ATP6V1G3: variants seen among roughly 807,000 people sequenced by gnomAD.
The protein encoded by ATP6V1G3 is V-type proton ATPase subunit G 3.
ATP6V1G3 carries 9 observed loss-of-function variants against 9.3 expected under a neutral mutation model. The ratio of observed to expected loss-of-function variants is 0.97; its 90% CI spans 0.59 to 1.69. The LOEUF (loss-of-function observed/expected upper bound fraction) is 1.69. Among genes scored for constraint, ATP6V1G3 ranks in the 40% most tolerant of loss-of-function variants. The pLI is 0.00. For synonymous variants in ATP6V1G3, 43 were observed against 43.8 expected (o/e 0.98, Z 0.07); for missense variants, 133 against 139.0 (o/e 0.96, Z 0.22).
upstream of ATP6V1G3, chr1:198,540,837 A>G: frequency 1.6e-6 from 1 of 614,308 alleles, no homozygotes; most frequent in Non-Finnish European, 2.9e-6. Flanking sequence ...GAATCTAGAA[A>G]AACAAGTTAA....
chr1:198,535,675 G>A lies in ATP6V1G3; in HGVS notation c.82+4894C>T, dbSNP rs192993260. Among the ~76,000 whole-genome samples, 117 of 152,208 alleles carry A rather than the reference G, an allele frequency of 7.7e-4. 1 individual carries two copies. The highest frequency in any genetic ancestry group is 1.2e-3 in the Non-Finnish European group (84 of 68,018). ...GAGCACCTTCTATATGCCAAGTGGT[G>A]TTTTAAGTCTTTTATAAGAGTTAAC... is the stretch of plus-strand genomic sequence containing the variant. On this transcript the variant is annotated intron_variant, in intron 1 of 2. Coordinates refer to ENST00000367382, the MANE Select transcript of ATP6V1G3 (RefSeq NM_001376861.1).
At chr1:198,530,436 T>C (rs1659851564) in intron 1 of ATP6V1G3, among the ~76,000 whole-genome samples, 1 of 152,194 alleles carries the variant, frequency 6.6e-6, no homozygotes, top group Non-Finnish European at 1.5e-5. Flanking sequence ...AGTCTCTGTA[T>C]GTATATGGGA....
rs1251798018 is a variant in ATP6V1G3 at position 198,536,749 on chromosome 1, G to C, written c.82+3820C>G. On this transcript the variant is annotated intron_variant, in intron 1 of 2. Transcript: ENST00000367382. ...ACTTACAGCAGGGGTAAAAACAAAT[G>C]GAATGAGATCATTCTAGTCTATATC... is the stretch of plus-strand genomic sequence containing the variant. 3 of 1,564,300 alleles carry C rather than the reference G, an allele frequency of 1.9e-6. No individual in the cohort carries two copies. The East Asian group carries it at 6.7e-5, about 35-fold the overall frequency.
intron 1 of ATP6V1G3, among the ~76,000 whole-genome samples, chr1:198,539,173 C>G (rs1660248371): frequency 6.6e-6 from 1 of 152,104 alleles, no homozygotes; most frequent in Admixed American, 6.5e-5. Flanking sequence ...GCTGAGTGTT[C>G]AGGAAATCTA....
chr1:198,536,513 C>G (rs976328499), intron 1 of ATP6V1G3, among the ~76,000 whole-genome samples: 10 of 152,154 alleles, frequency 6.6e-5, no homozygotes, highest in African/African-American at 2.4e-4. Context: ...AGCATTGAAT[C>G]TAGGTAAGAT....
rs756864302 is a variant in ATP6V1G3 at position 198,523,512 on chromosome 1, C to T, written c.236G>A (p.Gly79Glu). Residue 79 changes from glycine (G) to glutamate (E), a missense_variant, in exon 3 of 3, where the codon GGG (glycine) becomes GAG (glutamate). Coordinates refer to ENST00000367382, the MANE Select transcript of ATP6V1G3 (RefSeq NM_001376861.1). Reference protein sequence around the residue: ...LSDEIEEQTLGKIQELNGHYN... With the variant: ...LSDEIEEQTLEKIQELNGHYN... ...GTGTCCATTAAGTTCTTGTATCTTC[C>T]CTAGTGTTTGTTCTTCTATTTCATC... is the stretch of plus-strand genomic sequence containing the variant. 1.7e-5 allele frequency: 28 copies of T among 1,613,364 alleles called. No homozygotes were observed. Among genetic ancestry groups the T allele is most frequent in the Admixed American group, 8.3e-5 (5 of 59,914 alleles).
At chr1:198,527,624 A>C (rs1207536658) in intron 2 of ATP6V1G3, among the ~76,000 whole-genome samples, 1 of 152,148 alleles carries the variant, frequency 6.6e-6, no homozygotes. Flanking sequence ...GGATTCAATA[A>C]GAAAGAAAAT....
chr1:198,527,307 G>T (rs1659694374), intron 2 of ATP6V1G3, among the ~76,000 whole-genome samples: 1 of 152,114 alleles, frequency 6.6e-6, no homozygotes, highest in Non-Finnish European at 1.5e-5. Flanking sequence ...GTGAGCTTTT[G>T]ATCAAATAAC....
chr1:198,540,490 T>C lies in ATP6V1G3; in HGVS notation c.82+79A>G, dbSNP rs1047258067. 5.0e-5 allele frequency: 74 copies of C among 1,469,154 alleles called. 1 individual carries two copies. Among genetic ancestry groups the C allele is most frequent in the Non-Finnish European group, 6.6e-5 (69 of 1,048,950 alleles). The allele number at this position is 1,469,154 out of a possible 1,614,324, so 91.0% of individuals were successfully genotyped here. On this transcript the variant is annotated intron_variant, in intron 1 of 2. Coordinates refer to ENST00000367382, the MANE Select transcript of ATP6V1G3 (RefSeq NM_001376861.1). Reference sequence around the variant, plus strand: ...ACCAAAGTTTGAAACAAGGTCTGCCTAATCCAAAAGTCTATGCTTATCCCT... The same window carrying C: ...ACCAAAGTTTGAAACAAGGTCTGCCCAATCCAAAAGTCTATGCTTATCCCT...
At chr1:198,523,593 A>G in intron 2 of ATP6V1G3, 29 bp from the exon 3 acceptor site, 1 of 1,590,974 alleles carries the variant, frequency 6.3e-7, no homozygotes, top group Non-Finnish European at 8.6e-7. Flanking sequence ...CAGAATTCAC[A>G]TCATAATACA....
rs776259666 is a variant in ATP6V1G3, at chr1:198,540,538, T to A, written c.82+31A>T. The stretch of plus-strand genomic sequence containing the variant: ...CCTGCATTCCACTGCTTTGTTTATT[T>A]CGTGACAGACCCCTCACAGGTGAGA... On this transcript the variant is annotated intron_variant, in intron 1 of 2. Coordinates refer to ENST00000367382, the MANE Select transcript of ATP6V1G3 (RefSeq NM_001376861.1). 4 of 1,597,552 alleles carry A rather than the reference T, an allele frequency of 2.5e-6. No individual in the cohort carries two copies. The East Asian group carries it at 8.9e-5, about 36-fold the overall frequency.
intron 1 of ATP6V1G3, among the ~76,000 whole-genome samples, chr1:198,533,260 G>A (rs1659978181): frequency 1.3e-5 from 2 of 150,410 alleles, no homozygotes; most frequent in South Asian, 2.1e-4. Flanking sequence ...CCAAGATCAC[G>A]CCATTGTATT....
At chr1:198,536,740 A>T (rs1321346687) in intron 1 of ATP6V1G3, 1 of 1,589,644 alleles carries the variant, frequency 6.3e-7, no homozygotes, top group Non-Finnish European at 8.6e-7. Context: ...AGCAGGGGTA[A>T]AAACAAATGG....
At chr1:198,533,076 C>T (rs977990684) in intron 1 of ATP6V1G3, among the ~76,000 whole-genome samples, 5 of 152,016 alleles carry the variant, frequency 3.3e-5, no homozygotes, top group African/African-American at 7.3e-5. Context: ...GAGGCTGAGG[C>T]AGGTGGATCA....
At chr1:198,534,233 A>G (rs1291469954) in intron 1 of ATP6V1G3, among the ~76,000 whole-genome samples, 1 of 152,218 alleles carries the variant, frequency 6.6e-6, no homozygotes, top group East Asian at 1.9e-4. Flanking sequence ...GACAGGTCCT[A>G]AATCCAACAA....
chr1:198,532,666 T>C (rs34591469), intron 1 of ATP6V1G3, among the ~76,000 whole-genome samples: 28,432 of 152,042 alleles, frequency 0.19, 3,490 homozygotes, highest in Non-Finnish European at 0.27. Flanking sequence ...TGAAACAATA[T>C]GTGAACAGAG....
chr1:198,534,194 T>A (rs1255943649), intron 1 of ATP6V1G3, among the ~76,000 whole-genome samples: 1 of 152,124 alleles, frequency 6.6e-6, no homozygotes, highest in African/African-American at 2.4e-5. Context: ...GCAGATGTAA[T>A]CAGGTTAAAA....
chr1:198,524,661 G>A (rs980356774), intron 2 of ATP6V1G3, among the ~76,000 whole-genome samples: 11 of 152,100 alleles, frequency 7.2e-5, no homozygotes, highest in African/African-American at 1.4e-4. Flanking sequence ...CACCAGAGGA[G>A]TTAACAATTT....
intron 1 of ATP6V1G3, among the ~76,000 whole-genome samples, chr1:198,539,716 T>C (rs1660268738): frequency 1.3e-5 from 2 of 152,202 alleles, no homozygotes; most frequent in African/African-American, 4.8e-5. Context: ...GTAAAGGTTG[T>C]GAGGAATAAA....
Sources: gnomAD v4.1 joint callset for allele counts (sites outside exome capture counted in the v4.1 genomes callset) on GRCh38, gnomAD v4.1.1 for gene constraint, MANE v1.5 for transcripts, NCBI Gene and HGNC (gene_info 2026-07-23, HGNC 2026-07-21) for gene names.